Variants in CSMD1 observed in about 807,000 individuals in gnomAD.
The protein encoded by CSMD1 is CUB and sushi domain-containing protein 1.
Under a neutral mutation model 417.5 loss-of-function variants are expected in CSMD1, and 213 were observed. The ratio of observed to expected loss-of-function variants is 0.51; its 90% confidence interval spans 0.46 to 0.57. CSMD1 has a LOEUF of 0.57. CSMD1 is among the 20% of genes least tolerant of loss of function. CSMD1 has a pLI of 0.00. For synonymous variants in CSMD1, 2,862 were observed against 1,736.8 expected (o/e 1.65, Z -16.11); for missense variants, 6,923 against 4,529.7 (o/e 1.53, Z -15.17).
chr8:3,510,254 C>T (rs747270790), intron 10 of CSMD1, among the ~76,000 whole-genome samples: 11 of 151,940 alleles, frequency 7.2e-5, no homozygotes, highest in African/African-American at 2.2e-4. Context: ...TTCTGCGCCG[C>T]GTCCCTTGCC....
intron 27 of CSMD1, among the ~76,000 whole-genome samples, chr8:3,226,347 C>A (rs2116884773): frequency 6.6e-6 from 1 of 152,198 alleles, no homozygotes; most frequent in Admixed American, 6.5e-5. Flanking sequence ...CTTTGGGAGG[C>A]CAAGGTGGGC....
At chr8:4,604,332 C>G (rs1172392648) in intron 2 of CSMD1, among the ~76,000 whole-genome samples, 2 of 149,382 alleles carry the variant, frequency 1.3e-5, no homozygotes, top group African/African-American at 4.9e-5. Flanking sequence ...GTTATATATA[C>G]AATATATATA....
intron 3 of CSMD1, among the ~76,000 whole-genome samples, chr8:4,090,906 G>C (rs949655460): frequency 6.6e-6 from 1 of 151,172 alleles, no homozygotes; most frequent in African/African-American, 2.4e-5. Flanking sequence ...AACATAAGGG[G>C]CAGTCTTTTT....
chr8:4,504,623 C>T (rs1255105840), intron 2 of CSMD1, among the ~76,000 whole-genome samples: 1 of 152,086 alleles, frequency 6.6e-6, no homozygotes, highest in Admixed American at 6.6e-5. Flanking sequence ...CTAACGCTCT[C>T]CCTCCCCTTG....
intron 2 of CSMD1, among the ~76,000 whole-genome samples, chr8:4,552,705 G>A (rs977853736): frequency 6.6e-6 from 1 of 152,148 alleles, no homozygotes; most frequent in African/African-American, 2.4e-5. Context: ...CCCATCACAA[G>A]ATGCTCAGAA....
intron 10 of CSMD1, among the ~76,000 whole-genome samples, chr8:3,525,012 G>A (rs1160016358): frequency 6.6e-6 from 1 of 152,096 alleles, no homozygotes; most frequent in African/African-American, 2.4e-5. Flanking sequence ...TCATCAAGTT[G>A]GCATTTATTT....
intron 5 of CSMD1, among the ~76,000 whole-genome samples, chr8:3,911,015 A>C (rs1438175607): frequency 6.6e-6 from 1 of 152,196 alleles, no homozygotes; most frequent in South Asian, 2.1e-4. Flanking sequence ...CTACTTATTC[A>C]GGGGCTGCCC....
chr8:4,168,579 G>A (rs939545170), intron 3 of CSMD1, among the ~76,000 whole-genome samples: 8 of 151,894 alleles, frequency 5.3e-5, no homozygotes, highest in African/African-American at 1.9e-4. Context: ...ACAATAGACG[G>A]GCTTTGCAGG....
rs117019919 is a variant in CSMD1 at position 3,493,434 on chromosome 8, C to T, written c.1448+189G>A. Among the ~76,000 whole-genome samples the T allele has an allele frequency of 9.0e-3, 1,367 of 151,936 alleles. 8 individuals are homozygous for T. Among genetic ancestry groups the T allele is most frequent in the Non-Finnish European group, 0.013 (871 of 67,988 alleles). On this transcript the variant is annotated intron_variant, in intron 11 of 69. Transcript: ENST00000635120. ...GAAGAAAAACAGTCGAAACAGATAA[C>T]ACATACTCCTAAATTATACTCATAA...
At chr8:3,271,060 C>G (rs573200252) in intron 26 of CSMD1, among the ~76,000 whole-genome samples, 3 of 149,724 alleles carry the variant, frequency 2.0e-5, no homozygotes, top group Non-Finnish European at 4.4e-5. Context: ...GTATATCTCC[C>G]AATGCTGTCC....
chr8:4,245,015 T>A lies in CSMD1; in HGVS notation c.415+174938A>T, dbSNP rs1199495655. Among the ~76,000 whole-genome samples the A allele has an allele frequency of 1.3e-5, 2 of 152,176 alleles. 1 individual carries two copies. The highest frequency in any genetic ancestry group is 2.9e-5 in the Non-Finnish European group (2 of 68,026). ...TCGACAAACATCAAAAAGAATCACA[T>A]ACACATTTAAACTATAAAACCACCA... is the stretch of plus-strand genomic sequence containing the variant. On this transcript the variant is annotated intron_variant, in intron 3 of 69. Transcript: ENST00000635120.
At chr8:3,499,291 C>G (rs914325613) in intron 10 of CSMD1, among the ~76,000 whole-genome samples, 4 of 152,076 alleles carry the variant, frequency 2.6e-5, no homozygotes, top group African/African-American at 9.7e-5. Flanking sequence ...GTCTGAGTAG[C>G]CTTGGCTGCA....
rs558624541 is a variant in CSMD1 at position 4,799,804 on chromosome 8, A to G, written c.86-162246T>C. Among the ~76,000 whole-genome samples the G allele has an allele frequency of 2.0e-5, 3 of 152,216 alleles. No homozygotes were observed. The East Asian group carries it at 5.8e-4, about 29-fold the overall frequency. On this transcript the variant is annotated intron_variant, in intron 1 of 69. Transcript: ENST00000635120. ...TGTCTCTTTAAAAAAAAAAGTGACA[A>G]TATGCAAAGAGATAAGTATTAGAAT...
intron 1 of CSMD1, among the ~76,000 whole-genome samples, chr8:4,790,865 A>G (rs563953931): frequency 5.9e-5 from 9 of 152,186 alleles, no homozygotes; most frequent in South Asian, 2.1e-4. Context: ...CGGAAAACCT[A>G]AACTATAAAA....
chr8:4,748,595 G>A (rs920018881), intron 1 of CSMD1, among the ~76,000 whole-genome samples: 5 of 152,158 alleles, frequency 3.3e-5, no homozygotes, highest in African/African-American at 7.2e-5. Flanking sequence ...AGACTCACGG[G>A]GAGAAATCAT....
At chr8:3,186,435 A>C (rs1821763930) in intron 36 of CSMD1, among the ~76,000 whole-genome samples, 1 of 152,204 alleles carries the variant, frequency 6.6e-6, no homozygotes, top group African/African-American at 2.4e-5. Flanking sequence ...ATTGTGAATG[A>C]CAGATAACAA....
chr8:3,747,340 A>T (rs2129052148), intron 6 of CSMD1, among the ~76,000 whole-genome samples: 1 of 152,230 alleles, frequency 6.6e-6, no homozygotes, highest in East Asian at 1.9e-4. Flanking sequence ...TAAACAATCC[A>T]TCATTTTCTT....
intron 3 of CSMD1, among the ~76,000 whole-genome samples, chr8:4,301,684 G>T (rs1332695442): frequency 6.6e-6 from 1 of 152,190 alleles, no homozygotes; most frequent in Non-Finnish European, 1.5e-5. Flanking sequence ...GCATGGACCA[G>T]ATTATTATTT....
intron 3 of CSMD1, among the ~76,000 whole-genome samples, chr8:4,197,367 G>A (rs910669522): frequency 1.3e-5 from 2 of 152,174 alleles, no homozygotes; most frequent in Non-Finnish European, 2.9e-5. Flanking sequence ...ATTATTGTGG[G>A]TGTGTCTGTG....
Sources: allele counts gnomAD v4.1 joint callset (sites outside exome capture counted in the v4.1 genomes callset), GRCh38; gene constraint gnomAD v4.1.1; transcripts MANE v1.5; gene names NCBI Gene and HGNC (gene_info 2026-07-23, HGNC 2026-07-21).